KLF12: variants seen among roughly 807,000 people sequenced by gnomAD.
KLF12 encodes KLF transcription factor 12.
In KLF12, 9 loss-of-function variants were observed where a neutral mutation model predicts 37.8. The ratio of observed to expected loss-of-function variants is 0.24; its 90% CI spans 0.14 to 0.42. The LOEUF (loss-of-function observed/expected upper bound fraction) is 0.42, where lower values mean the gene tolerates loss of function less well. Ranked by LOEUF, KLF12 falls within the 10% of genes least tolerant of loss-of-function variation. The pLI, the probability that KLF12 is intolerant of heterozygous loss-of-function variation, is 1.00. For missense variants in KLF12, 411 were observed against 516.0 expected, an observed-to-expected ratio of 0.80 and a Z score of 1.97; for synonymous variants, 208 against 202.1, an observed-to-expected ratio of 1.03 and a Z score of -0.25.
intron 1 of KLF12, among the ~76,000 whole-genome samples, chr13:74,128,794 C>A (rs941929306): frequency 2.0e-5 from 3 of 151,960 alleles, no homozygotes; most frequent in Non-Finnish European, 4.4e-5. Flanking sequence ...CACAGTATTA[C>A]TAAAGATAGA....
intron 3 of KLF12, among the ~76,000 whole-genome samples, chr13:73,868,087 T>C (rs1283194274): frequency 1.4e-5 from 2 of 143,712 alleles, no homozygotes; most frequent in African/African-American, 5.2e-5. Context: ...CCCAGCACTT[T>C]GGGAGGCCTG....
At chr13:73,727,706 T>C (rs569882138) in intron 6 of KLF12, among the ~76,000 whole-genome samples, 1 of 152,110 alleles carries the variant, frequency 6.6e-6, no homozygotes, top group East Asian at 1.9e-4. Context: ...TTCTTTCTTT[T>C]TTTTTTTTTG....
At chr13:74,009,735 T>C (rs1892502145) in intron 1 of KLF12, among the ~76,000 whole-genome samples, 1 of 152,172 alleles carries the variant, frequency 6.6e-6, no homozygotes, top group African/African-American at 2.4e-5. Context: ...TCAGAAGTGC[T>C]ACATGAATTG....
intron 4 of KLF12, among the ~76,000 whole-genome samples, chr13:73,840,435 C>A (rs955385066): frequency 2.6e-5 from 4 of 152,084 alleles, no homozygotes; most frequent in African/African-American, 9.7e-5. Flanking sequence ...CACCCAACTC[C>A]CATCTCAAGC....
the KLF12 span, among the ~76,000 whole-genome samples, chr13:74,264,238 C>A: frequency 6.6e-6 from 1 of 152,078 alleles, no homozygotes; most frequent in Non-Finnish European, 1.5e-5. Flanking sequence ...TGCTGTTAGA[C>A]AAACTAAGTG....
Position 73,686,475 on chromosome 13 carries a change from G to A in KLF12, c.*9015C>T, listed in dbSNP as rs764462056. On this transcript the variant is annotated 3_prime_UTR_variant, in exon 8 of 8. Coordinates refer to ENST00000377669, the MANE Select transcript of KLF12 (RefSeq NM_007249.5). ...ATAATATTAATAAACTTATAACAGG[G>A]TTGCCTAAACACTACAGAGTATATA... The A allele has an allele frequency of 6.6e-6, 1 of 152,576 alleles. No individual in the cohort carries two copies. The highest frequency in any genetic ancestry group is 6.6e-5 in the Admixed American group (1 of 15,266). 9.5% of individuals were successfully genotyped at this position (152,576 alleles called of 1,614,324 possible). A position where few individuals can be genotyped will look rare whatever the true frequency, so the allele number is the denominator to read the frequency against.
intron 1 of KLF12, among the ~76,000 whole-genome samples, chr13:74,080,048 A>G (rs1874788456): frequency 1.3e-5 from 2 of 152,210 alleles, no homozygotes; most frequent in South Asian, 4.1e-4. Context: ...CTTATAAAGG[A>G]AGAAAATTGT....
At chr13:73,752,724 A>G (rs1288071572) in intron 6 of KLF12, among the ~76,000 whole-genome samples, 2 of 20,216 alleles carry the variant, frequency 9.9e-5, no homozygotes, top group Admixed American at 6.3e-4. Flanking sequence ...TCCCTTCCAC[A>G]TATATATTTT....
chr13:73,777,902 C>G (rs1402494056), intron 5 of KLF12, among the ~76,000 whole-genome samples: 1 of 151,432 alleles, frequency 6.6e-6, no homozygotes, highest in African/African-American at 2.4e-5. Flanking sequence ...GAGGCCGAGG[C>G]GGGCAGATCA....
intron 1 of KLF12, among the ~76,000 whole-genome samples, chr13:74,002,548 T>C (rs1389317342): frequency 1.9e-4 from 29 of 152,068 alleles, no homozygotes; most frequent in Admixed American, 1.8e-3. Context: ...GCTAATGTTT[T>C]GTAGAGACGG....
chr13:73,860,452 G>A (rs970962335), intron 3 of KLF12, among the ~76,000 whole-genome samples: 15 of 152,128 alleles, frequency 9.9e-5, no homozygotes, highest in African/African-American at 2.6e-4. Context: ...ATATATCTAC[G>A]GGCCACATGC....
Position 73,846,043 on chromosome 13 carries a change from C to T in KLF12, c.454G>A (p.Ala152Thr), listed in dbSNP as rs751399618. The T allele has an allele frequency of 6.2e-7, 1 of 1,613,944 alleles. No individual in the cohort carries two copies. Reference sequence around the variant, plus strand: ...AACTGCTGGCCTCCAACACCAGATGCAGAGGCCACAAGGGGCCCTGGAGTT... The same window carrying T: ...AACTGCTGGCCTCCAACACCAGATGTAGAGGCCACAAGGGGCCCTGGAGTT... The change falls in exon 4 of 8, where the codon GCA becomes ACA. Residue 152 changes from alanine (A) to threonine (T), a missense_variant. Transcript: ENST00000377669.
chr13:74,233,013 G>A, the KLF12 span, among the ~76,000 whole-genome samples: 1 of 152,118 alleles, frequency 6.6e-6, no homozygotes, highest in Non-Finnish European at 1.5e-5. Context: ...AGCCTCCCGA[G>A]TAGCTGGGAC....
At chr13:74,119,313 C>T (rs560066424) in intron 1 of KLF12, among the ~76,000 whole-genome samples, 1 of 147,884 alleles carries the variant, frequency 6.8e-6, no homozygotes, top group Admixed American at 6.8e-5. Flanking sequence ...GCCTGGGTGA[C>T]ACAGCGAGAC....
chr13:73,861,651 C>T (rs79465139), intron 3 of KLF12, among the ~76,000 whole-genome samples: 8,506 of 152,202 alleles, frequency 0.056, 320 homozygotes, highest in African/African-American at 0.086. Context: ...TACTTTTTCC[C>T]CTAACATCTT....
intron 1 of KLF12, among the ~76,000 whole-genome samples, chr13:74,075,657 C>T (rs9530272): frequency 0.011 from 1,612 of 152,286 alleles, 24 homozygotes; most frequent in Non-Finnish European, 0.016. Flanking sequence ...CATTTAATAA[C>T]CACATGTATG....
intron 1 of KLF12, among the ~76,000 whole-genome samples, chr13:74,067,295 T>C (rs1399208376): frequency 1.3e-5 from 2 of 152,252 alleles, no homozygotes; most frequent in Non-Finnish European, 2.9e-5. Flanking sequence ...CCTTGGTCTC[T>C]ATGAAGTATT....
intron 5 of KLF12, among the ~76,000 whole-genome samples, chr13:73,783,606 T>C (rs774276479): frequency 2.0e-4 from 31 of 152,148 alleles, no homozygotes; most frequent in Non-Finnish European, 3.7e-4. Flanking sequence ...TATGTACAAG[T>C]ATTATGCATG....
chr13:74,188,231 A>AT, the KLF12 span, among the ~76,000 whole-genome samples: 1 of 152,182 alleles, frequency 6.6e-6, no homozygotes, highest in East Asian at 1.9e-4. Context: ...CCATGCCATA[A>AT]TTTAGTAAGC....
Sources: gnomAD v4.1 joint callset for allele counts (sites outside exome capture counted in the v4.1 genomes callset) on GRCh38, gnomAD v4.1.1 for gene constraint, MANE v1.5 for transcripts, NCBI Gene and HGNC (gene_info 2026-07-23, HGNC 2026-07-21) for gene names.